Variants in GABPB1 observed in about 807,000 individuals in gnomAD.
GABPB1 encodes GA-binding protein subunit beta-1.
GABPB1 carries 15 observed loss-of-function variants against 45.9 expected under a neutral mutation model. That is an observed-to-expected ratio of 0.33 (90% CI 0.22 to 0.50). The LOEUF (loss-of-function observed/expected upper bound fraction) is 0.50, where lower values mean the gene tolerates loss of function less well. Among genes scored for constraint, GABPB1 ranks in the 20% least tolerant of loss-of-function variants. GABPB1 has a pLI of 0.98. For missense variants in GABPB1, 252 were observed against 457.5 expected (o/e 0.55, Z 4.10); for synonymous variants, 143 against 154.4 (o/e 0.93, Z 0.55).
rs146182679 is a variant in GABPB1 at position 50,321,796 on chromosome 15, C to T, written c.1-11998G>A. 1.2e-3 allele frequency among the ~76,000 whole-genome samples: 180 copies of T among 151,942 alleles called. 1 individual carries two copies. The Middle Eastern group carries it at 0.031, about 26-fold the overall frequency. On this transcript the variant is annotated intron_variant, in intron 1 of 8. Coordinates refer to ENST00000380877, the MANE Select transcript of GABPB1 (RefSeq NM_016654.5). The stretch of plus-strand genomic sequence containing the variant: ...CTCCAGAAATACTTGGAACCAAAAT[C>T]GTCATAATGTTTGCCTTTTTTAAAT...
chr15:50,301,321 A>G lies in GABPB1; in HGVS notation c.519T>C (p.Thr173=). ...QINTNPESPD[T]VTIHAATPQF... ...GTGGTGTTGCAGCATGTATTGTCAC[A>G]GTGTCAGGACTCTCTGGGTTTGTGT... The change falls in exon 5 of 9, where the codon ACT becomes ACC. Residue 173 remains threonine (T), a synonymous_variant. Transcript: ENST00000380877. 6.2e-7 allele frequency: 1 copy of G among 1,614,162 alleles called. No homozygotes were observed.
intron 1 of GABPB1, among the ~76,000 whole-genome samples, chr15:50,324,501 A>C (rs1595806586): frequency 2.0e-5 from 3 of 150,080 alleles, no homozygotes; most frequent in African/African-American, 7.4e-5. Flanking sequence ...AAGCCCCTCC[A>C]GTGATCCAAT....
chr15:50,287,131 T>C (rs977273776), intron 7 of GABPB1, among the ~76,000 whole-genome samples: 23 of 152,204 alleles, frequency 1.5e-4, no homozygotes, highest in Admixed American at 1.4e-3. Context: ...AAATGAGAAT[T>C]TAAATCTGTT....
chr15:50,354,428 G>C (rs923070854), intron 1 of GABPB1: 3 of 450,940 alleles, frequency 6.7e-6, no homozygotes, highest in African/African-American at 2.0e-5. Flanking sequence ...AGCGCCTCTC[G>C]GCCCCGCAGC....
At chr15:50,354,466 G>T in intron 1 of GABPB1, 1 of 446,108 alleles carries the variant, frequency 2.2e-6, no homozygotes, top group South Asian at 1.6e-5. Flanking sequence ...CGCCACCCTC[G>T]CCGCCCGTTC....
At chr15:50,282,580 G>T (rs960229464) in intron 8 of GABPB1, among the ~76,000 whole-genome samples, 5 of 76,530 alleles carry the variant, frequency 6.5e-5, no homozygotes, top group East Asian at 2.1e-4. Context: ...AAAAAACAGA[G>T]ACGGATGTGA....
At chr15:50,348,471 G>A (rs999209327) in intron 1 of GABPB1, among the ~76,000 whole-genome samples, 31 of 151,804 alleles carry the variant, frequency 2.0e-4, no homozygotes, top group African/African-American at 6.8e-4. Flanking sequence ...GGCTGGTCTC[G>A]AATTCTTGAC....
chr15:50,339,833 T>C (rs2048286841), intron 1 of GABPB1, among the ~76,000 whole-genome samples: 1 of 152,192 alleles, frequency 6.6e-6, no homozygotes, highest in Non-Finnish European at 1.5e-5. Flanking sequence ...TGTCCAGAAC[T>C]TCCCAGGCAC....
At chr15:50,306,380 AAC>A (rs1288498275) in intron 2 of GABPB1, among the ~76,000 whole-genome samples, 2 of 152,200 alleles carry the variant, frequency 1.3e-5, no homozygotes, top group Non-Finnish European at 2.9e-5. Context: ...CTGTAATCCC[AAC>A]ACTTTGGGTG....
At chr15:50,333,930 T>C (rs2048029967) in intron 1 of GABPB1, among the ~76,000 whole-genome samples, 1 of 150,390 alleles carries the variant, frequency 6.6e-6, no homozygotes, top group Non-Finnish European at 1.5e-5. Context: ...TTAGGGAGGC[T>C]GAGGCAGGAG....
At chr15:50,338,806 T>A (rs2048238245) in intron 1 of GABPB1, among the ~76,000 whole-genome samples, 2 of 152,228 alleles carry the variant, frequency 1.3e-5, no homozygotes, top group Admixed American at 1.3e-4. Context: ...ATAAGCTATC[T>A]ACCACGATCA....
chr15:50,351,910 C>T (rs535226748), intron 1 of GABPB1: 25 of 152,264 alleles, frequency 1.6e-4, no homozygotes, highest in African/African-American at 5.8e-4. Context: ...CACATCAGAG[C>T]TATAGAAACA....
intron 1 of GABPB1, chr15:50,352,663 A>G (rs2048889114): frequency 6.6e-6 from 1 of 152,204 alleles, no homozygotes; most frequent in Admixed American, 6.5e-5. Context: ...CCAAGATCCA[A>G]TCTATTTTCG....
chr15:50,337,146 G>C (rs1201928535), intron 1 of GABPB1, among the ~76,000 whole-genome samples: 1 of 107,856 alleles, frequency 9.3e-6, no homozygotes, highest in African/African-American at 3.3e-5. Context: ...AGAGGTCAGA[G>C]CCCATCCAAA....
In GABPB1 at chr15:50,275,419, G is replaced by C. The variant is rs1011620816; in HGVS notation, c.*3213C>G. ...AAGCAGATCTTTTTATTACAAACAAGTACAGATGCTCTCTGGCTTGCAATG... is the reference window on the plus strand; with the variant it reads ...AAGCAGATCTTTTTATTACAAACAACTACAGATGCTCTCTGGCTTGCAATG... On this transcript the variant is annotated 3_prime_UTR_variant, in exon 9 of 9. Transcript: ENST00000380877. 7.2e-5 allele frequency: 11 copies of C among 152,302 alleles called. No individual in the cohort carries two copies. Among genetic ancestry groups the C allele is most frequent in the African/African-American group, 2.4e-4 (10 of 41,560 alleles). 9.4% of individuals were successfully genotyped at this position (152,302 alleles called of 1,614,324 possible).
intron 8 of GABPB1, 94 bp downstream of exon 8, chr15:50,285,974 A>C: frequency 6.5e-7 from 1 of 1,540,124 alleles, no homozygotes; most frequent in Non-Finnish European, 8.7e-7. Flanking sequence ...TTCTGTATCA[A>C]AACAATACTG....
intron 3 of GABPB1, 24 bp downstream of exon 3, chr15:50,303,942 A>T: frequency 6.5e-7 from 1 of 1,538,648 alleles, no homozygotes; most frequent in South Asian, 1.3e-5. Context: ...TTTTAAAAGC[A>T]AAGTGCAAAA....
intron 1 of GABPB1, among the ~76,000 whole-genome samples, chr15:50,331,205 A>G (rs2047936281): frequency 6.6e-6 from 1 of 152,202 alleles, no homozygotes; most frequent in Non-Finnish European, 1.5e-5. Context: ...CTTGCTTCCC[A>G]TAAGGCAAGG....
At chr15:50,317,542 T>C (rs1567518623) in intron 1 of GABPB1, among the ~76,000 whole-genome samples, 1 of 152,148 alleles carries the variant, frequency 6.6e-6, no homozygotes, top group Non-Finnish European at 1.5e-5. Flanking sequence ...TAATATAATA[T>C]TAAAACTTTT....
Sources: gnomAD v4.1 joint callset for allele counts (sites outside exome capture counted in the v4.1 genomes callset) on GRCh38, gnomAD v4.1.1 for gene constraint, MANE v1.5 for transcripts, NCBI Gene and HGNC (gene_info 2026-07-23, HGNC 2026-07-21) for gene names.